The following CTNND2 variants were observed in gnomAD, a reference collection of about 807,000 sequenced individuals.
CTNND2 encodes the protein catenin delta-2.
In CTNND2, 22 loss-of-function variants were observed where a neutral mutation model predicts 144.4. That is an observed-to-expected ratio of 0.15 (90% CI 0.11 to 0.22). The LOEUF (loss-of-function observed/expected upper bound fraction) is 0.22. Among genes scored for constraint, CTNND2 ranks in the 10% least tolerant of loss-of-function variants. The pLI, the probability that CTNND2 is intolerant of heterozygous loss-of-function variation, is 1.00. For missense variants in CTNND2, 1,353 were observed against 1,618.8 expected, an observed-to-expected ratio of 0.84 and a Z score of 2.82; for synonymous variants, 751 against 695.6, an observed-to-expected ratio of 1.08 and a Z score of -1.25.
chr5:11,301,449 G>T (rs1283681820), intron 9 of CTNND2, among the ~76,000 whole-genome samples: 2 of 152,112 alleles, frequency 1.3e-5, no homozygotes, highest in African/African-American at 4.8e-5. Context: ...ACACTATGTG[G>T]CAGGGTGTGC....
chr5:11,462,538 G>A (rs1766309484), intron 3 of CTNND2, among the ~76,000 whole-genome samples: 1 of 149,718 alleles, frequency 6.7e-6, no homozygotes, highest in Non-Finnish European at 1.5e-5. Flanking sequence ...GTCTATAGAA[G>A]AAAGATTCTA....
At chr5:11,387,534 C>T (rs1362927460) in intron 6 of CTNND2, among the ~76,000 whole-genome samples, 1 of 152,090 alleles carries the variant, frequency 6.6e-6, no homozygotes, top group East Asian at 1.9e-4. Flanking sequence ...ACTGGGGTTC[C>T]CTATCAACTG....
chr5:11,645,433 A>C lies in CTNND2; in HGVS notation c.175-80377T>G, dbSNP rs574239842. Among the ~76,000 whole-genome samples the C allele has an allele frequency of 2.0e-5, 3 of 152,320 alleles. No homozygotes were observed. The South Asian group carries it at 6.2e-4, about 32-fold the overall frequency. ...CTATTTTTAAAAAGTTACATTAAAA[A>C]CACTTTGTATTTGCCTAAAAAGGTT... On this transcript the variant is annotated intron_variant, in intron 2 of 21. Coordinates refer to ENST00000304623, the MANE Select transcript of CTNND2 (RefSeq NM_001332.4).
rs1476886056 is a variant in CTNND2, at chr5:11,683,561, G to A, written c.174+48575C>T. 3.3e-5 allele frequency among the ~76,000 whole-genome samples: 5 copies of A among 152,296 alleles called. No individual in the cohort carries two copies. In the South Asian group the frequency reaches 6.2e-4, roughly 19 times the overall value. Reference sequence around the variant, plus strand: ...GGCAATCCTGTAACTGTTGAAGACCGTCTTTGCACTTACATGGTACTTTGC... The same window carrying A: ...GGCAATCCTGTAACTGTTGAAGACCATCTTTGCACTTACATGGTACTTTGC... On this transcript the variant is annotated intron_variant, in intron 2 of 21. Coordinates refer to ENST00000304623, the MANE Select transcript of CTNND2 (RefSeq NM_001332.4).
chr5:11,380,848 A>G (rs72732911), intron 7 of CTNND2, among the ~76,000 whole-genome samples: 6,656 of 152,326 alleles, frequency 0.044, 204 homozygotes, highest in Middle Eastern at 0.12. Context: ...AAATGTTTAT[A>G]GCGAAACAAG....
At position 11,346,620 on chromosome 5, in the gene CTNND2, A is replaced by T. The variant is rs764036054; in HGVS notation, c.1380T>A (p.Ser460=). The T allele has an allele frequency of 1.1e-5, 16 of 1,508,366 alleles. No individual in the cohort carries two copies. Among genetic ancestry groups the T allele is most frequent in the South Asian group, 1.3e-5 (1 of 76,838 alleles). The allele number at this position is 1,508,366 out of a possible 1,614,324, so 93.4% of individuals were successfully genotyped here. Residue 460 remains serine (S), a synonymous_variant, in exon 9 of 22, where the codon TCT becomes TCA. Transcript: ENST00000304623. The part of the protein sequence containing the change: ...TGTYRTSTAP[S]SPGVDSVPLQ... ...AGGGGACGGAGTCGACACCAGGGGA[A>T]GATGGGGCTACGACAGGAAAGTAGG...
At chr5:11,228,651 A>C (rs1176622689) in intron 10 of CTNND2, among the ~76,000 whole-genome samples, 3 of 151,914 alleles carry the variant, frequency 2.0e-5, no homozygotes, top group African/African-American at 7.3e-5. Flanking sequence ...ATGCCCAGCT[A>C]ATTTTTGCAT....
chr5:11,494,970 T>C (rs1322146914), intron 3 of CTNND2, among the ~76,000 whole-genome samples: 1 of 152,222 alleles, frequency 6.6e-6, no homozygotes, highest in Non-Finnish European at 1.5e-5. Flanking sequence ...CTTTCACCAA[T>C]GCCATTCTCT....
intron 11 of CTNND2, among the ~76,000 whole-genome samples, chr5:11,175,306 T>A (rs1348836212): frequency 6.6e-6 from 1 of 152,148 alleles, no homozygotes; most frequent in African/African-American, 2.4e-5. Context: ...AAAATACACA[T>A]GGTAATATTA....
At chr5:11,582,762 G>A (rs961924227) in intron 2 of CTNND2, among the ~76,000 whole-genome samples, 3 of 152,172 alleles carry the variant, frequency 2.0e-5, no homozygotes, top group Admixed American at 6.5e-5. Context: ...GCATCATATG[G>A]AGCCTGGACC....
intron 1 of CTNND2, among the ~76,000 whole-genome samples, chr5:11,763,048 T>C (rs867533664): frequency 2.6e-5 from 4 of 152,272 alleles, no homozygotes; most frequent in South Asian, 2.1e-4. Context: ...GCTGTTCTCA[T>C]GACAGTGAGT....
intron 12 of CTNND2, among the ~76,000 whole-genome samples, chr5:11,150,241 G>C (rs1757615702): frequency 6.6e-6 from 1 of 152,096 alleles, no homozygotes; most frequent in South Asian, 2.1e-4. Context: ...CAGGGAACCA[G>C]ACCTCCCGCT....
chr5:11,148,667 T>TC (rs1189239201), intron 12 of CTNND2, among the ~76,000 whole-genome samples: 3 of 152,186 alleles, frequency 2.0e-5, no homozygotes, highest in African/African-American at 7.2e-5. Context: ...TGGGCTGCTG[T>TC]CCCCTTCTGT....
chr5:11,657,964 T>C (rs1464150908), intron 2 of CTNND2, among the ~76,000 whole-genome samples: 2 of 152,160 alleles, frequency 1.3e-5, no homozygotes, highest in East Asian at 1.9e-4. Context: ...GTTATACAGA[T>C]GGTTATAATT....
rs565720145 is a variant in CTNND2 at position 10,992,754 on chromosome 5, G to A, written c.3085-77C>T. The A allele has an allele frequency of 1.2e-5, 18 of 1,551,106 alleles. No homozygotes were observed. The South Asian group carries it at 1.8e-4, about 15-fold the overall frequency. ...ACCTCCGGACATTTTTAAGTTCCAA[G>A]TATCTGGATTTGCATAATATTTCTA... On this transcript the variant is annotated intron_variant, in intron 18 of 21. Coordinates refer to ENST00000304623, the MANE Select transcript of CTNND2 (RefSeq NM_001332.4).
At chr5:11,113,649 G>T (rs1468297566) in intron 13 of CTNND2, among the ~76,000 whole-genome samples, 1 of 152,170 alleles carries the variant, frequency 6.6e-6, no homozygotes, top group Non-Finnish European at 1.5e-5. Flanking sequence ...TACCAAGCTG[G>T]CTATCATTTT....
chr5:11,489,726 C>T (rs574428960), intron 3 of CTNND2, among the ~76,000 whole-genome samples: 64 of 152,332 alleles, frequency 4.2e-4, no homozygotes, highest in Non-Finnish European at 7.8e-4. Context: ...ATTCTCCATA[C>T]TTGCTCACTG....
intron 2 of CTNND2, 99 bp downstream of exon 2, chr5:11,732,037 T>C: frequency 8.9e-7 from 1 of 1,122,116 alleles, no homozygotes; most frequent in Non-Finnish European, 1.3e-6. Flanking sequence ...TACATGAGTA[T>C]GAGTTTCTTT....
At chr5:11,264,918 A>G (rs1226696494) in intron 9 of CTNND2, among the ~76,000 whole-genome samples, 1 of 152,128 alleles carries the variant, frequency 6.6e-6, no homozygotes, top group Non-Finnish European at 1.5e-5. Flanking sequence ...GTGACAGAGT[A>G]AGACCCCGTC....
Sources: allele counts gnomAD v4.1 joint callset (sites outside exome capture counted in the v4.1 genomes callset), GRCh38; gene constraint gnomAD v4.1.1; transcripts MANE v1.5; gene names NCBI Gene and HGNC (gene_info 2026-07-23, HGNC 2026-07-21).